Variants in RIMS1 observed in about 807,000 individuals in gnomAD.
The protein encoded by RIMS1 is regulating synaptic membrane exocytosis 1, also known as regulating synaptic membrane exocytosis protein 1.
RIMS1 carries 83 observed loss-of-function variants against 214.1 expected under a neutral mutation model. That is an observed-to-expected ratio of 0.39 (90% CI 0.32 to 0.47). The LOEUF (loss-of-function observed/expected upper bound fraction) is 0.47, where lower values mean the gene tolerates loss of function less well. Among genes scored for constraint, RIMS1 ranks in the 20% least tolerant of loss-of-function variants. The pLI is 0.99. For synonymous variants in RIMS1, 793 were observed against 786.8 expected, an observed-to-expected ratio of 1.01 and a Z score of -0.13; for missense variants, 2,050 against 2,161.8, an observed-to-expected ratio of 0.95 and a Z score of 1.03.
intron 1 of RIMS1, among the ~76,000 whole-genome samples, chr6:71,951,830 C>T (rs1026532593): frequency 6.6e-6 from 1 of 152,042 alleles, no homozygotes; most frequent in African/African-American, 2.4e-5. Context: ...GTTTTCTACT[C>T]AGTCATGTGG....
At chr6:72,146,689 C>CT (rs1236644297) in intron 4 of RIMS1, among the ~76,000 whole-genome samples, 2 of 152,108 alleles carry the variant, frequency 1.3e-5, no homozygotes, top group African/African-American at 4.8e-5. Context: ...TTGTTCAAAC[C>CT]TTTAGATTTA....
At chr6:72,286,079 C>T (rs2092209419) in intron 24 of RIMS1, among the ~76,000 whole-genome samples, 1 of 152,042 alleles carries the variant, frequency 6.6e-6, no homozygotes, top group South Asian at 2.1e-4. Flanking sequence ...TGCCTGTAAT[C>T]CCAGCTACTC....
At chr6:71,929,884 G>T (rs888591896) in intron 1 of RIMS1, among the ~76,000 whole-genome samples, 3 of 151,216 alleles carry the variant, frequency 2.0e-5, no homozygotes, top group Non-Finnish European at 4.4e-5. Context: ...TATTCCAATT[G>T]CTGAGAAAAA....
At chr6:72,049,518 A>T (rs1413464392) in intron 2 of RIMS1, among the ~76,000 whole-genome samples, 1 of 152,226 alleles carries the variant, frequency 6.6e-6, no homozygotes, top group Non-Finnish European at 1.5e-5. Flanking sequence ...AAGTGGGAGG[A>T]TTAAGTGTCA....
At chr6:71,965,159 A>G (rs1320211322) in intron 1 of RIMS1, among the ~76,000 whole-genome samples, 1 of 152,202 alleles carries the variant, frequency 6.6e-6, no homozygotes, top group African/African-American at 2.4e-5. Context: ...CAAAAACCGT[A>G]ACATTAAGAA....
chr6:72,239,480 A>G (rs2065752586), intron 9 of RIMS1, among the ~76,000 whole-genome samples: 1 of 152,200 alleles, frequency 6.6e-6, no homozygotes, highest in South Asian at 2.1e-4. Context: ...CATATATCCT[A>G]TTTGATTTAC....
At chr6:72,132,732 A>T (rs949874320) in intron 4 of RIMS1, among the ~76,000 whole-genome samples, 1 of 152,150 alleles carries the variant, frequency 6.6e-6, no homozygotes, top group Non-Finnish European at 1.5e-5. Flanking sequence ...ATTTAAATGT[A>T]AATTTCTTGG....
At chr6:72,272,913 A>G (rs912037099) in intron 22 of RIMS1, among the ~76,000 whole-genome samples, 1 of 152,220 alleles carries the variant, frequency 6.6e-6, no homozygotes, top group Admixed American at 6.5e-5. Flanking sequence ...TTTTTAAAAC[A>G]TTCAGATTGG....
At chr6:72,102,073 T>C (rs996851330) in intron 4 of RIMS1, among the ~76,000 whole-genome samples, 1 of 152,112 alleles carries the variant, frequency 6.6e-6, no homozygotes, top group Non-Finnish European at 1.5e-5. Flanking sequence ...ATAGCCAGTT[T>C]AAATTACTTT....
At chr6:72,024,465 G>A (rs986810008) in intron 2 of RIMS1, among the ~76,000 whole-genome samples, 2 of 152,114 alleles carry the variant, frequency 1.3e-5, no homozygotes, top group African/African-American at 4.8e-5. Flanking sequence ...AATAATGAAT[G>A]TAAAGTGTTT....
At chr6:71,986,542 T>G (rs1172534301) in intron 2 of RIMS1, among the ~76,000 whole-genome samples, 3 of 152,162 alleles carry the variant, frequency 2.0e-5, no homozygotes, top group African/African-American at 7.2e-5. Context: ...CAGAAACAAC[T>G]AGACATCATG....
intron 6 of RIMS1, among the ~76,000 whole-genome samples, chr6:72,188,635 A>G (rs995800768): frequency 6.6e-6 from 1 of 150,384 alleles, no homozygotes. Flanking sequence ...CCCATTCTTT[A>G]TTTCCTTTGC....
At chr6:72,086,501 A>G (rs539059282) in intron 2 of RIMS1, among the ~76,000 whole-genome samples, 1 of 152,320 alleles carries the variant, frequency 6.6e-6, no homozygotes, top group East Asian at 1.9e-4. Flanking sequence ...GATACTATGC[A>G]TATGCCTGAC....
rs764354585 is a variant in RIMS1, at chr6:72,237,921, A to G, written c.1956A>G (p.Ala652=). The G allele has an allele frequency of 1.1e-5, 17 of 1,597,046 alleles. No homozygotes were observed. The highest frequency in any genetic ancestry group is 1.4e-5 in the Non-Finnish European group (16 of 1,172,498). The part of the protein sequence containing the change: ...SLADVVGHLR[A]GDEVLEWNGK... ...CAGATGTAGTTGGACACCTAAGAGC[A>G]GGTAAAGTTTCTTTTTTTAATATTT... The change falls in exon 9 of 34, where the codon GCA becomes GCG. Residue 652 remains alanine (A), a splice_region_variant and synonymous_variant. Transcript: ENST00000521978.
chr6:72,209,629 C>T (rs2053484010), intron 6 of RIMS1, among the ~76,000 whole-genome samples: 1 of 152,102 alleles, frequency 6.6e-6, no homozygotes, highest in Non-Finnish European at 1.5e-5. Context: ...AGGCCGGGCA[C>T]GGTGGCTCAT....
Position 72,311,736 on chromosome 6 carries a change from C to T in RIMS1, c.3964-1770C>T, listed in dbSNP as rs184582960. Among the ~76,000 whole-genome samples the T allele has an allele frequency of 5.9e-5, 9 of 152,074 alleles. No individual in the cohort carries two copies. The South Asian group carries it at 8.3e-4, about 14-fold the overall frequency. On this transcript the variant is annotated intron_variant, in intron 27 of 33. Coordinates refer to ENST00000521978, the MANE Select transcript of RIMS1 (RefSeq NM_014989.7). ...AAATAAAAATCACATTTAGGGAGGC[C>T]GAGGTGGGTGGATTGTCTGAGGTCA... is the stretch of plus-strand genomic sequence containing the variant.
At position 71,886,875 on chromosome 6, in the gene RIMS1, T is replaced by TGCTGCTGCTGCCGCCGCCGCC; in HGVS notation, c.-142_-122dup. 1.3e-6 allele frequency: 1 copy of TGCTGCTGCTGCCGCCGCCGCC among 789,286 alleles called. No individual in the cohort carries two copies. The highest frequency in any genetic ancestry group is 2.1e-6 in the Non-Finnish European group (1 of 487,118). The allele number at this position is 789,286 out of a possible 1,614,324, so 48.9% of individuals were successfully genotyped here. On this transcript the variant is annotated 5_prime_UTR_variant, in exon 1 of 34. Coordinates refer to ENST00000521978, the MANE Select transcript of RIMS1 (RefSeq NM_014989.7). ...TTCTCGCTCTCCCCGGCTCTGCTGCTGCTGCTGCTGCCGCCGCCGCCGCTG... is the reference window on the plus strand; with the variant it reads ...TTCTCGCTCTCCCCGGCTCTGCTGCTGCTGCTGCTGCCGCCGCCGCCGCTGCTGCTGCCGCCGCCGCCGCTG...
At chr6:72,399,143 C>A in intron 33 of RIMS1, 49 bp downstream of exon 33, 1 of 1,465,858 alleles carries the variant, frequency 6.8e-7, no homozygotes, top group Non-Finnish European at 9.1e-7. Context: ...CTGTTTTACC[C>A]ATACATCGAA....
At chr6:72,338,093 T>C (rs987506176) in intron 29 of RIMS1, among the ~76,000 whole-genome samples, 6 of 151,742 alleles carry the variant, frequency 4.0e-5, no homozygotes, top group Non-Finnish European at 8.8e-5. Flanking sequence ...TATAGTCCTT[T>C]GGGTATATAC....
Sources: gnomAD v4.1 joint callset for allele counts (sites outside exome capture counted in the v4.1 genomes callset) on GRCh38, gnomAD v4.1.1 for gene constraint, MANE v1.5 for transcripts, NCBI Gene and HGNC (gene_info 2026-07-23, HGNC 2026-07-21) for gene names.